The following JCAD variants were observed in gnomAD, a reference collection of about 807,000 sequenced individuals.
JCAD encodes the protein junctional cadherin 5-associated protein.
Under a neutral mutation model 98.0 loss-of-function variants are expected in JCAD, and 40 were observed. The observed-to-expected ratio is 0.41, with a 90% CI of 0.32 to 0.53. The LOEUF is 0.53. Among genes scored for constraint, JCAD ranks in the 20% least tolerant of loss-of-function variants. The pLI is 0.31. For missense variants in JCAD, 1,705 were observed against 1,738.1 expected, an observed-to-expected ratio of 0.98 and a Z score of 0.34; for synonymous variants, 691 against 682.3, an observed-to-expected ratio of 1.01 and a Z score of -0.20.
intron 1 of JCAD, among the ~76,000 whole-genome samples, chr10:30,111,013 G>A (rs1211546102): frequency 6.6e-6 from 1 of 151,938 alleles, no homozygotes; most frequent in Non-Finnish European, 1.5e-5. Context: ...ACTAACTGAT[G>A]TATGGGGCAG....
At chr10:30,089,738 G>C (rs1236386478) in intron 1 of JCAD, among the ~76,000 whole-genome samples, 1 of 152,132 alleles carries the variant, frequency 6.6e-6, no homozygotes, top group African/African-American at 2.4e-5. Flanking sequence ...TTGCAGATGA[G>C]TTAATCACTT....
intron 3 of JCAD, among the ~76,000 whole-genome samples, chr10:30,022,691 C>T (rs867089150): frequency 6.6e-5 from 10 of 152,148 alleles, no homozygotes; most frequent in East Asian, 1.9e-4. Flanking sequence ...CTCTCCCCTC[C>T]GATTATGGTC....
At position 30,029,843 on chromosome 10, in the gene JCAD, G is replaced by A. The variant is rs1230231953; in HGVS notation, c.305C>T (p.Ala102Val). 1 of 1,614,036 alleles carries A rather than the reference G, an allele frequency of 6.2e-7. No individual in the cohort carries two copies. Among genetic ancestry groups the A allele is most frequent in the African/African-American group, 1.3e-5 (1 of 75,044 alleles). ...ACCAGTCGGGGGATGAGAGGACCATGCTGAGGGGGGTTGATTACAAAACCT... is the reference window on the plus strand; with the variant it reads ...ACCAGTCGGGGGATGAGAGGACCATACTGAGGGGGGTTGATTACAAAACCT... ...EAGFCNQPPS[A>V]WSSHPPTGND... The change falls in exon 3 of 4, where the codon GCA becomes GTA. Residue 102 changes from alanine (A) to valine (V), a missense_variant. By Grantham distance (64) the Ala-to-Val change is moderately conservative. Around this residue, in one of 3 missense-constraint regions of JCAD, gnomAD observed 152 missense variants for 148.0 expected, o/e 1.03. Coordinates refer to ENST00000375377, the MANE Select transcript of JCAD (RefSeq NM_020848.4).
chr10:30,112,811 G>A (rs1182923359), intron 1 of JCAD, among the ~76,000 whole-genome samples: 1 of 149,818 alleles, frequency 6.7e-6, no homozygotes, highest in Non-Finnish European at 1.5e-5. Flanking sequence ...GGCAGAGGTT[G>A]CAGTGAGCCA....
intron 1 of JCAD, among the ~76,000 whole-genome samples, chr10:30,095,029 G>A (rs1838346203): frequency 6.6e-6 from 1 of 152,094 alleles, no homozygotes; most frequent in Non-Finnish European, 1.5e-5. Context: ...GTGGATCTTG[G>A]CCGGTGCACC....
At chr10:30,020,744 A>T (rs1836645702) in intron 3 of JCAD, among the ~76,000 whole-genome samples, 1 of 152,202 alleles carries the variant, frequency 6.6e-6, no homozygotes, top group African/African-American at 2.4e-5. Context: ...TTCTGTGCTC[A>T]ATCAGCCTCA....
intron 1 of JCAD, among the ~76,000 whole-genome samples, chr10:30,097,965 G>T (rs1260565501): frequency 2.0e-5 from 3 of 152,132 alleles, no homozygotes; most frequent in Admixed American, 6.5e-5. Flanking sequence ...TCCAGGAAGG[G>T]ATAGAGGGAA....
At chr10:30,054,675 C>CTTT (rs34992036) in intron 1 of JCAD, among the ~76,000 whole-genome samples, 6 of 146,622 alleles carry the variant, frequency 4.1e-5, no homozygotes, top group Non-Finnish European at 6.0e-5. Flanking sequence ...GAAAATGCAT[C>CTTT]TTTTTTTTTT....
chr10:30,019,313 C>T (rs1008529536), intron 3 of JCAD, among the ~76,000 whole-genome samples: 12 of 146,760 alleles, frequency 8.2e-5, no homozygotes, highest in African/African-American at 1.5e-4. Flanking sequence ...GCCGAGATGG[C>T]GCCATTGCAC....
intron 1 of JCAD, among the ~76,000 whole-genome samples, chr10:30,111,233 C>A (rs1838695614): frequency 6.6e-6 from 1 of 152,208 alleles, no homozygotes; most frequent in African/African-American, 2.4e-5. Flanking sequence ...CATTTGAGTG[C>A]CTGACAGCCC....
chr10:30,088,990 A>C (rs1485120940), intron 1 of JCAD, among the ~76,000 whole-genome samples: 1 of 152,136 alleles, frequency 6.6e-6, no homozygotes, highest in Non-Finnish European at 1.5e-5. Context: ...AAAATAAATA[A>C]ATAATGCACA....
At chr10:30,019,381 A>C (rs1019886565) in intron 3 of JCAD, among the ~76,000 whole-genome samples, 8 of 151,652 alleles carry the variant, frequency 5.3e-5, no homozygotes, top group South Asian at 4.2e-4. Flanking sequence ...AAAAAAAGAA[A>C]AAAAGAAATT....
At chr10:30,110,700 A>C (rs942696643) in intron 1 of JCAD, among the ~76,000 whole-genome samples, 7 of 151,044 alleles carry the variant, frequency 4.6e-5, no homozygotes, top group Non-Finnish European at 1.5e-5. Context: ...TATATGGAGC[A>C]GCTGATGTAT....
chr10:30,113,034 C>T (rs1187681764), intron 1 of JCAD, among the ~76,000 whole-genome samples: 2 of 152,050 alleles, frequency 1.3e-5, no homozygotes, highest in South Asian at 2.1e-4. Flanking sequence ...TGCATGACAT[C>T]GTGAATGTAC....
Position 30,029,554 on chromosome 10 carries a change from C to G in JCAD, c.594G>C (p.Gln198His). 6.2e-7 allele frequency: 1 copy of G among 1,614,252 alleles called. No homozygotes were observed. Among genetic ancestry groups the G allele is most frequent in the Non-Finnish European group, 8.5e-7 (1 of 1,180,046 alleles). The change falls in exon 3 of 4, where the codon CAG (glutamine) becomes CAC (histidine). Residue 198 changes from glutamine (Q) to histidine (H), a missense_variant. Around this residue, in one of 3 missense-constraint regions of JCAD, gnomAD observed 275 missense variants for 346.9 expected, o/e 0.79. Coordinates refer to ENST00000375377, the MANE Select transcript of JCAD (RefSeq NM_020848.4). Reference protein sequence around the residue: ...SWNQPRKLGRQMSDGDGERLF... With the variant: ...SWNQPRKLGRHMSDGDGERLF... ...GTCTCTCCCCATCTCCATCAGACAT[C>G]TGCCTCCCTAATTTCCTTGGCTGGT...
At position 30,027,651 on chromosome 10, in the gene JCAD, T is replaced by A; in HGVS notation, c.2497A>T (p.Ser833Cys). The A allele has an allele frequency of 6.2e-7, 1 of 1,614,272 alleles. No homozygotes were observed. Among genetic ancestry groups the A allele is most frequent in the Non-Finnish European group, 8.5e-7 (1 of 1,180,054 alleles). The change falls in exon 3 of 4, where the codon AGT becomes TGT. Residue 833 changes from serine (S) to cysteine (C), a missense_variant. Ser to Cys is a moderately radical substitution (Grantham distance 112). Around this residue, in one of 3 missense-constraint regions of JCAD, gnomAD observed 1,278 missense variants for 1,243.1 expected, o/e 1.03. Transcript: ENST00000375377. ...PVSRRPWDLI[S>C]QLESFNKELQ... is the part of the protein sequence containing the mutation. Reference sequence around the variant, plus strand: ...TCCTTGTTAAAACTTTCTAACTGACTGATCAAATCCCAGGGACGACGGCTG... The same window carrying A: ...TCCTTGTTAAAACTTTCTAACTGACAGATCAAATCCCAGGGACGACGGCTG...
At chr10:30,086,329 C>T (rs186720377) in intron 1 of JCAD, among the ~76,000 whole-genome samples, 26 of 152,276 alleles carry the variant, frequency 1.7e-4, no homozygotes, top group African/African-American at 5.8e-4. Context: ...AGGGCATTAT[C>T]CCAAAGGGAG....
At chr10:30,114,856 T>TA (rs71023546) in intron 1 of JCAD, among the ~76,000 whole-genome samples, 7 of 139,960 alleles carry the variant, frequency 5.0e-5, no homozygotes, top group African/African-American at 1.7e-4. Flanking sequence ...GATAGATAGA[T>TA]GATAGATACA....
chr10:30,097,410 G>C (rs1040155807), intron 1 of JCAD, among the ~76,000 whole-genome samples: 1 of 152,088 alleles, frequency 6.6e-6, no homozygotes, highest in African/African-American at 2.4e-5. Flanking sequence ...AATTCATTGA[G>C]TTTTCTATTT....
Sources: gnomAD v4.1 joint callset for allele counts (sites outside exome capture counted in the v4.1 genomes callset) on GRCh38, gnomAD v4.1.1 for gene constraint, gnomAD v4.1.1 regional missense constraint, MANE v1.5 for transcripts, NCBI Gene and HGNC (gene_info 2026-07-23, HGNC 2026-07-21) for gene names.